The following PREX1 variants were observed in gnomAD, a reference collection of about 807,000 sequenced individuals.
The protein encoded by PREX1 is phosphatidylinositol 3,4,5-trisphosphate-dependent Rac exchanger 1 protein.
In PREX1, 41 loss-of-function variants were observed where a neutral mutation model predicts 198.3. The ratio of observed to expected loss-of-function variants is 0.21; its 90% CI spans 0.16 to 0.27. The LOEUF (loss-of-function observed/expected upper bound fraction) is 0.27, where lower values mean the gene tolerates loss of function less well. Among genes scored for constraint, PREX1 ranks in the 10% least tolerant of loss-of-function variants. The pLI is 1.00. For missense variants in PREX1, 1,620 were observed against 2,200.7 expected, an observed-to-expected ratio of 0.74 and a Z score of 5.28; for synonymous variants, 843 against 887.2, an observed-to-expected ratio of 0.95 and a Z score of 0.89.
chr20:48,655,224 T>A, intron 19 of PREX1, 66 bp downstream of exon 19: 1 of 1,420,464 alleles, frequency 7.0e-7, no homozygotes, highest in South Asian at 1.3e-5. Context: ...GGCTCTGAAC[T>A]CCTGCCACAC....
At chr20:48,726,468 C>A in intron 4 of PREX1, 77 bp from the exon 5 acceptor site, 1 of 1,034,554 alleles carries the variant, frequency 9.7e-7, no homozygotes, top group Non-Finnish European at 1.5e-6. Context: ...CCATGAGAAA[C>A]GCTCTCAGAG....
chr20:48,689,730 GT>G (rs2089807027), intron 9 of PREX1, among the ~76,000 whole-genome samples: 1 of 152,230 alleles, frequency 6.6e-6, no homozygotes, highest in Non-Finnish European at 1.5e-5. Flanking sequence ...CCCCAGTTCA[GT>G]GGTTTATCGG....
intron 1 of PREX1, among the ~76,000 whole-genome samples, chr20:48,759,748 A>C (rs1253321144): frequency 6.6e-6 from 1 of 152,058 alleles, no homozygotes; most frequent in Non-Finnish European, 1.5e-5. Context: ...TACAGAAGCT[A>C]ACACACATAA....
intron 5 of PREX1, among the ~76,000 whole-genome samples, chr20:48,713,349 G>A (rs8116229): frequency 0.31 from 47,058 of 151,560 alleles, 9,698 homozygotes; most frequent in African/African-American, 0.59. Context: ...CTACTTGGGA[G>A]GCTGAGGCAG....
upstream of PREX1, among the ~76,000 whole-genome samples, chr20:48,832,677 A>T (rs2090539705): frequency 6.6e-6 from 1 of 152,178 alleles, no homozygotes; most frequent in African/African-American, 2.4e-5. Flanking sequence ...ACTTCTTCCC[A>T]CCAAAATATA....
At chr20:48,735,418 T>C (rs141305541) in intron 3 of PREX1, among the ~76,000 whole-genome samples, 6 of 152,208 alleles carry the variant, frequency 3.9e-5, no homozygotes, top group Admixed American at 3.3e-4. Flanking sequence ...GGCCTTCCGA[T>C]GGGAGGCTGC....
intron 11 of PREX1, among the ~76,000 whole-genome samples, chr20:48,680,810 T>C (rs2089744311): frequency 6.6e-6 from 1 of 152,206 alleles, no homozygotes; most frequent in Non-Finnish European, 1.5e-5. Context: ...TGTTTTACTA[T>C]CTTGCTTTGT....
intron 7 of PREX1, among the ~76,000 whole-genome samples, chr20:48,700,533 T>C: frequency 6.6e-6 from 1 of 152,328 alleles, no homozygotes; most frequent in East Asian, 1.9e-4. Context: ...ATATATTATT[T>C]AAATTCATTT....
chr20:48,782,758 G>A (rs1393955504), intron 1 of PREX1, among the ~76,000 whole-genome samples: 1 of 152,116 alleles, frequency 6.6e-6, no homozygotes, highest in Non-Finnish European at 1.5e-5. Flanking sequence ...CCTAGAGGCC[G>A]GGCTGTGTTT....
intron 4 of PREX1, among the ~76,000 whole-genome samples, chr20:48,729,670 A>C (rs1043220209): frequency 1.3e-5 from 2 of 152,128 alleles, no homozygotes; most frequent in Non-Finnish European, 2.9e-5. Context: ...GATCAGGCAA[A>C]TTGTGTCAGC....
chr20:48,776,292 T>C (rs4809727), intron 1 of PREX1, among the ~76,000 whole-genome samples: 40,458 of 152,104 alleles, frequency 0.27, 6,331 homozygotes, highest in Admixed American at 0.34. Context: ...CTCTGGCCCC[T>C]ACACCCCAAC....
chr20:48,832,545 G>A (rs1484022523), upstream of PREX1, among the ~76,000 whole-genome samples: 1 of 152,166 alleles, frequency 6.6e-6, no homozygotes, highest in African/African-American at 2.4e-5. Flanking sequence ...GCCCAGAGCA[G>A]GGCTGTTCCT....
chr20:48,843,088 A>G, the PREX1 span, among the ~76,000 whole-genome samples: 1 of 152,310 alleles, frequency 6.6e-6, no homozygotes, highest in African/African-American at 2.4e-5. Flanking sequence ...TCCAAGGTCA[A>G]CCTTGACTCT....
At position 48,697,039 on chromosome 20, in the gene PREX1, C is replaced by T. The variant is rs567098032; in HGVS notation, c.917+3714G>A. Among the ~76,000 whole-genome samples, 21 of 151,978 alleles carry T rather than the reference C, an allele frequency of 1.4e-4. No individual in the cohort carries two copies. In the East Asian group the frequency reaches 2.9e-3, roughly 21 times the overall value. On this transcript the variant is annotated intron_variant, in intron 7 of 39. Coordinates refer to ENST00000371941, the MANE Select transcript of PREX1 (RefSeq NM_020820.4). ...CTATCTGGAGAATCTTGACTTAATA[C>T]AAATTTTGGTACCATTTACTGGTAA... is the stretch of plus-strand genomic sequence containing the variant.
intron 1 of PREX1, among the ~76,000 whole-genome samples, chr20:48,771,128 G>A (rs539801947): frequency 2.8e-4 from 42 of 151,928 alleles, no homozygotes; most frequent in African/African-American, 6.8e-4. Context: ...CTTCCATGGC[G>A]TCTCCTGCAG....
the PREX1 span, among the ~76,000 whole-genome samples, chr20:48,842,840 T>C: frequency 6.6e-6 from 1 of 152,020 alleles, no homozygotes; most frequent in Non-Finnish European, 1.5e-5. Context: ...ATGATAATGA[T>C]GATAATCATA....
intron 11 of PREX1, 140 bp downstream of exon 11, chr20:48,681,095 T>G: frequency 2.7e-6 from 2 of 752,068 alleles, no homozygotes; most frequent in Non-Finnish European, 4.5e-6. Context: ...GCATCCATGT[T>G]CCTGCGGGCC....
intron 1 of PREX1, among the ~76,000 whole-genome samples, chr20:48,802,150 C>T (rs62210151): frequency 0.073 from 11,148 of 152,114 alleles, 528 homozygotes; most frequent in East Asian, 0.12. Flanking sequence ...CCCACCCCCG[C>T]CAAACCATCT....
At chr20:48,679,779 C>T (rs779311114) in intron 11 of PREX1, 25 bp from the exon 12 acceptor site, 7 of 1,563,966 alleles carry the variant, frequency 4.5e-6, no homozygotes, top group African/African-American at 1.4e-5. Flanking sequence ...GGACCTGTGA[C>T]GCTGGGCACG....
Sources: allele counts gnomAD v4.1 joint callset (sites outside exome capture counted in the v4.1 genomes callset), GRCh38; gene constraint gnomAD v4.1.1; transcripts MANE v1.5; gene names NCBI Gene and HGNC (gene_info 2026-07-23, HGNC 2026-07-21).